Variants in LIN28B observed in about 807,000 individuals in gnomAD.
LIN28B encodes lin-28 RNA binding posttranscriptional regulator B.
LIN28B carries 5 observed loss-of-function variants against 21.9 expected under a neutral mutation model. The ratio of observed to expected loss-of-function variants is 0.23; its 90% CI spans 0.12 to 0.48. LIN28B has a LOEUF of 0.48. LIN28B is among the 20% of genes least tolerant of loss of function. The probability of loss-of-function intolerance (pLI) is 0.98; values close to 1 mark genes in which losing one functional copy is unlikely to be tolerated. For synonymous variants in LIN28B, 109 were observed against 111.3 expected (o/e 0.98, Z 0.13); for missense variants, 245 against 310.5 (o/e 0.79, Z 1.58).
chr6:105,035,259 TA>T (rs1771500743), intron 3 of LIN28B, among the ~76,000 whole-genome samples: 1 of 152,116 alleles, frequency 6.6e-6, no homozygotes, highest in African/African-American at 2.4e-5. Flanking sequence ...AAAATAAAAA[TA>T]AAAATGCTTT....
At position 105,019,609 on chromosome 6, in the gene LIN28B, C is replaced by T. The variant is rs1263943299; in HGVS notation, c.199-6689C>T. Among the ~76,000 whole-genome samples, 4 of 152,290 alleles carry T rather than the reference C, an allele frequency of 2.6e-5. No individual in the cohort carries two copies. In the East Asian group the frequency reaches 7.7e-4, roughly 29 times the overall value. ...CCCATTGCTCGTTCTTACCCTTCATCATACATGTGTGTAAGCAGAGTTTCT... is the reference window on the plus strand; with the variant it reads ...CCCATTGCTCGTTCTTACCCTTCATTATACATGTGTGTAAGCAGAGTTTCT... On this transcript the variant is annotated intron_variant, in intron 2 of 3. Transcript: ENST00000345080.
chr6:104,956,813 T>C (rs1023884455), upstream of LIN28B, among the ~76,000 whole-genome samples: 3 of 152,190 alleles, frequency 2.0e-5, no homozygotes, highest in African/African-American at 4.8e-5. Flanking sequence ...TGCCTTTTTT[T>C]CTAAATCTAT....
At chr6:105,056,071 T>C (rs1562109016) in intron 3 of LIN28B, among the ~76,000 whole-genome samples, 1 of 151,906 alleles carries the variant, frequency 6.6e-6, no homozygotes, top group African/African-American at 2.4e-5. Context: ...TCTGTTTTTA[T>C]TTTTTTCTAC....
chr6:104,988,172 A>G (rs1419385752), intron 2 of LIN28B, among the ~76,000 whole-genome samples: 1 of 152,236 alleles, frequency 6.6e-6, no homozygotes, highest in African/African-American at 2.4e-5. Context: ...ATCATTAAGC[A>G]TGATACTAGC....
Position 105,040,996 on chromosome 6 carries a change from C to T in LIN28B, c.383+14514C>T, listed in dbSNP as rs577987881. On this transcript the variant is annotated intron_variant, in intron 3 of 3. Coordinates refer to ENST00000345080, the MANE Select transcript of LIN28B (RefSeq NM_001004317.4). ...GTAGAATCTTGGCTCACTGCAGCCT[C>T]GACCTCCTGGGCTCAGGTGATTCTC... 4.6e-4 allele frequency among the ~76,000 whole-genome samples: 70 copies of T among 152,166 alleles called. 1 individual carries two copies. The South Asian group carries it at 0.014, about 30-fold the overall frequency.
intron 3 of LIN28B, among the ~76,000 whole-genome samples, chr6:105,044,998 C>G (rs1212441775): frequency 6.6e-6 from 1 of 151,926 alleles, no homozygotes; most frequent in Non-Finnish European, 1.5e-5. Context: ...GTGACCCTAT[C>G]TCTTAAAAAA....
At chr6:105,018,793 A>G (rs1771078843) in intron 2 of LIN28B, among the ~76,000 whole-genome samples, 2 of 151,882 alleles carry the variant, frequency 1.3e-5, no homozygotes, top group Admixed American at 6.6e-5. Flanking sequence ...CCACTTAGTC[A>G]TTTCAAAATT....
At chr6:105,029,976 G>T (rs1771385243) in intron 3 of LIN28B, among the ~76,000 whole-genome samples, 2 of 152,178 alleles carry the variant, frequency 1.3e-5, no homozygotes, top group South Asian at 4.1e-4. Context: ...TACTGATCTG[G>T]CAAGGTACGA....
intron 2 of LIN28B, among the ~76,000 whole-genome samples, chr6:105,017,072 C>CAAAAAAAAA (rs56179020): frequency 2.3e-5 from 2 of 86,064 alleles, no homozygotes; most frequent in Non-Finnish European, 4.5e-5. Context: ...GACTCTGTCT[C>CAAAAAAAAA]AAAAAAAAAA....
At chr6:104,971,336 T>G (rs2114590257) in intron 2 of LIN28B, among the ~76,000 whole-genome samples, 1 of 152,270 alleles carries the variant, frequency 6.6e-6, no homozygotes, top group South Asian at 2.1e-4. Context: ...TAAAAAATTC[T>G]TCCTTAAATT....
intron 3 of LIN28B, among the ~76,000 whole-genome samples, chr6:105,054,558 C>T (rs181790238): frequency 2.0e-5 from 3 of 152,286 alleles, no homozygotes; most frequent in East Asian, 3.9e-4. Context: ...GACAAAATGT[C>T]TTGGAGACAT....
chr6:105,060,111 C>T (rs1203631066), intron 3 of LIN28B, among the ~76,000 whole-genome samples: 2 of 152,298 alleles, frequency 1.3e-5, no homozygotes, highest in East Asian at 3.9e-4. Context: ...CCATGTTGGT[C>T]AGGCTGGTCT....
upstream of LIN28B, among the ~76,000 whole-genome samples, chr6:104,952,842 CTG>C (rs1010893315): frequency 1.2e-4 from 19 of 152,258 alleles, no homozygotes; most frequent in Admixed American, 9.8e-4. Context: ...ATTTTTACCT[CTG>C]TATAAAAATT....
At chr6:104,941,964 T>C (rs1167438472) in intron 2 of LIN28B, among the ~76,000 whole-genome samples, 2 of 152,140 alleles carry the variant, frequency 1.3e-5, no homozygotes, top group Non-Finnish European at 2.9e-5. Context: ...TAATAGTAAG[T>C]CCGCCATTTT....
intron 2 of LIN28B, among the ~76,000 whole-genome samples, chr6:104,996,161 G>A (rs1476870939): frequency 6.6e-6 from 1 of 152,146 alleles, no homozygotes; most frequent in Non-Finnish European, 1.5e-5. Context: ...AGAGGGTTAA[G>A]GAAGCAGGGA....
At chr6:104,959,101 A>T (rs555071151) in intron 2 of LIN28B, among the ~76,000 whole-genome samples, 8 of 152,288 alleles carry the variant, frequency 5.3e-5, no homozygotes, top group African/African-American at 1.9e-4. Context: ...CCCATTTTCA[A>T]AATTTTACCC....
intron 2 of LIN28B, among the ~76,000 whole-genome samples, chr6:105,013,349 A>G (rs1456535697): frequency 6.6e-6 from 1 of 151,756 alleles, no homozygotes; most frequent in Admixed American, 6.6e-5. Context: ...TTGAAGCCTA[A>G]TGATGTTGAT....
chr6:105,018,853 T>C (rs1771079953), intron 2 of LIN28B, among the ~76,000 whole-genome samples: 1 of 152,216 alleles, frequency 6.6e-6, no homozygotes, highest in African/African-American at 2.4e-5. Context: ...CTTTTATTGA[T>C]GTTATATTGT....
chr6:105,052,057 A>G (rs1194163643), intron 3 of LIN28B, among the ~76,000 whole-genome samples: 1 of 152,220 alleles, frequency 6.6e-6, no homozygotes, highest in Non-Finnish European at 1.5e-5. Flanking sequence ...ACGTAAGGGA[A>G]CAAGCCTTGT....
Sources: allele counts gnomAD v4.1 joint callset (sites outside exome capture counted in the v4.1 genomes callset), GRCh38; gene constraint gnomAD v4.1.1; transcripts MANE v1.5; gene names NCBI Gene and HGNC (gene_info 2026-07-23, HGNC 2026-07-21).